The following SLC2A14 variants were observed in gnomAD, a reference collection of about 807,000 sequenced individuals.
SLC2A14 encodes the protein solute carrier family 2 member 14, also known as solute carrier family 2, facilitated glucose transporter member 14.
A neutral mutation model predicts 43.0 loss-of-function variants in SLC2A14; 13 were observed. The observed-to-expected ratio is 0.30, with a 90% CI of 0.20 to 0.48. The LOEUF (loss-of-function observed/expected upper bound fraction) is 0.48. SLC2A14 is among the 20% of genes least tolerant of loss of function. The pLI is 0.99. For synonymous variants in SLC2A14, 190 were observed against 233.8 expected, an observed-to-expected ratio of 0.81 and a Z score of 1.71; for missense variants, 428 against 620.4, an observed-to-expected ratio of 0.69 and a Z score of 3.29.
rs1053536934 is a variant in SLC2A14, at chr12:7,839,761, G to T, written c.19-6947C>A. 20 of 443,374 alleles carry T rather than the reference G, an allele frequency of 4.5e-5. No individual in the cohort carries two copies. In the Admixed American group the frequency reaches 5.1e-4, roughly 11 times the overall value. 27.5% of individuals were successfully genotyped at this position (443,374 alleles called of 1,614,324 possible). ...TCATGAGGGCTCTGCCTCCATGGAG[G>T]GAGTAATACCCATACAGAAGGGGCT... is the stretch of plus-strand genomic sequence containing the variant. On this transcript the variant is annotated intron_variant, in intron 2 of 10. Transcript: ENST00000431042.
At chr12:7,836,975 G>A (rs987639466) in intron 2 of SLC2A14, among the ~76,000 whole-genome samples, 5 of 151,566 alleles carry the variant, frequency 3.3e-5, no homozygotes, top group South Asian at 2.1e-4. Flanking sequence ...AAGACCAGCC[G>A]GGCCAATATA....
chr12:7,879,139 ACTT>A lies in SLC2A14; in HGVS notation c.132+11854_132+11856del, dbSNP rs1231905266. ...TGAAGTGAGCTGCTTACATAGGAAAACTTCTTCTTTTCTTTTTAACCCTTGCCT... is the reference window on the plus strand; with the variant it reads ...TGAAGTGAGCTGCTTACATAGGAAAACTTCTTTTCTTTTTAACCCTTGCCT... On this transcript the variant is annotated intron_variant, in intron 1 of 9. Transcript: ENST00000539924. Among the ~76,000 whole-genome samples the A allele has an allele frequency of 5.3e-5, 8 of 151,730 alleles. No homozygotes were observed. The East Asian group carries it at 9.7e-4, about 18-fold the overall frequency.
chr12:7,871,997 G>T, intron 1 of SLC2A14: 1 of 648,214 alleles, frequency 1.5e-6, no homozygotes, highest in Non-Finnish European at 1.9e-6. Flanking sequence ...AAAAAGTAAG[G>T]TACTATTTAT....
At chr12:7,862,264 CAA>C (rs71038792) in intron 2 of SLC2A14, among the ~76,000 whole-genome samples, 2 of 58,922 alleles carry the variant, frequency 3.4e-5, no homozygotes. Flanking sequence ...ACTTGTCTCT[CAA>C]AAAAAAAAAA....
At chr12:7,823,493 C>T (rs1470205370) in intron 7 of SLC2A14, among the ~76,000 whole-genome samples, 2 of 152,022 alleles carry the variant, frequency 1.3e-5, no homozygotes, top group East Asian at 1.9e-4. Context: ...GAGGCCAAGG[C>T]GGGCAGATCA....
At position 7,871,330 on chromosome 12, in the gene SLC2A14, G is replaced by A. The variant is rs1030527315; in HGVS notation, c.-57-1393C>T. Reference sequence around the variant, plus strand: ...AAAAAGACAAGTTCAACTAGGTGGAGTTCACCTGCATCCTCATACATGGCG... The same window carrying A: ...AAAAAGACAAGTTCAACTAGGTGGAATTCACCTGCATCCTCATACATGGCG... On this transcript the variant is annotated intron_variant, in intron 1 of 10. Coordinates refer to ENST00000431042, the MANE Select transcript of SLC2A14 (RefSeq NM_001286234.2). 2.5e-5 allele frequency: 24 copies of A among 951,892 alleles called. No homozygotes were observed. The African/African-American group carries it at 3.3e-4, about 13-fold the overall frequency. The allele number at this position is 951,892 out of a possible 1,614,324, so 59.0% of individuals were successfully genotyped here.
chr12:7,880,679 T>A, intron 1 of SLC2A14, among the ~76,000 whole-genome samples: 1 of 87,092 alleles, frequency 1.1e-5, no homozygotes, highest in Non-Finnish European at 2.2e-5. Context: ...ATACAAACAT[T>A]AGCTGGGTCT....
chr12:7,827,026 TTC>T (rs146937438), intron 7 of SLC2A14, among the ~76,000 whole-genome samples: 3 of 132,746 alleles, frequency 2.3e-5, no homozygotes, highest in South Asian at 2.5e-4. Context: ...TTTCTCTCCT[TTC>T]TCTCTCTTTC....
chr12:7,877,261 G>A (rs187437722), upstream of SLC2A14, among the ~76,000 whole-genome samples: 5 of 152,068 alleles, frequency 3.3e-5, no homozygotes, highest in African/African-American at 4.8e-5. Context: ...GCCTCCCAAA[G>A]TGCTAGGGCT....
At chr12:7,828,620 C>G (rs926698060) in intron 6 of SLC2A14, 84 bp downstream of exon 6, 42 of 1,399,164 alleles carry the variant, frequency 3.0e-5, no homozygotes, top group Non-Finnish European at 4.1e-5. Flanking sequence ...GGAAAGGGTA[C>G]GACAGAAAAT....
chr12:7,869,888 C>T lies in SLC2A14; in HGVS notation c.-8G>A. On this transcript the variant is annotated 5_prime_UTR_variant, in exon 2 of 11. Transcript: ENST00000431042. ...ATTCTGTCTGTTGTCCATCTCTCTG[C>T]TATCCTAGGAATTGACTCCCTCTCC... The T allele has an allele frequency of 1.3e-6, 2 of 1,528,688 alleles. No homozygotes were observed. The highest frequency in any genetic ancestry group is 1.2e-5 in the South Asian group (1 of 83,728). 94.7% of individuals were successfully genotyped at this position (1,528,688 alleles called of 1,614,324 possible).
intron 2 of SLC2A14, among the ~76,000 whole-genome samples, chr12:7,835,970 A>G (rs772804223): frequency 9.8e-5 from 15 of 152,308 alleles, no homozygotes; most frequent in South Asian, 6.2e-4. Context: ...GGTTTAAATC[A>G]TCCATCCATC....
At chr12:7,867,286 A>C (rs1195290283) in intron 2 of SLC2A14, among the ~76,000 whole-genome samples, 1 of 116,290 alleles carries the variant, frequency 8.6e-6, no homozygotes, top group Non-Finnish European at 1.8e-5. Context: ...GTCTCAAAAA[A>C]AAAAAAAAAA....
At chr12:7,873,152 C>T (rs1016006195), upstream of SLC2A14, 1 of 985,734 alleles carries the variant, frequency 1.0e-6, no homozygotes, top group South Asian at 4.7e-5. Context: ...CGTCTTCCTG[C>T]GACCGGGCGG....
At chr12:7,840,820 G>GA (rs1865888982) in intron 2 of SLC2A14, among the ~76,000 whole-genome samples, 1 of 151,908 alleles carries the variant, frequency 6.6e-6, no homozygotes, top group African/African-American at 2.4e-5. Context: ...GAGCACAAAA[G>GA]AAAAAAAGGA....
chr12:7,846,435 T>C (rs1866472867), intron 2 of SLC2A14, among the ~76,000 whole-genome samples: 2 of 151,870 alleles, frequency 1.3e-5, no homozygotes, highest in South Asian at 4.1e-4. Context: ...CCTTATTAAA[T>C]CTCTTATCTA....
intron 1 of SLC2A14, among the ~76,000 whole-genome samples, chr12:7,882,237 A>G (rs1449241060): frequency 6.7e-6 from 1 of 149,680 alleles, no homozygotes; most frequent in Admixed American, 6.6e-5. Flanking sequence ...GGAGAAACGA[A>G]CGATTCCAGA....
intron 2 of SLC2A14, among the ~76,000 whole-genome samples, chr12:7,867,301 C>CAAA: frequency 2.9e-5 from 1 of 34,340 alleles, no homozygotes; most frequent in Middle Eastern, 0.015. Flanking sequence ...AAAAAAAAAA[C>CAAA]AAAAAAAACA....
chr12:7,866,278 A>T (rs1023093540), intron 2 of SLC2A14, among the ~76,000 whole-genome samples: 1 of 151,274 alleles, frequency 6.6e-6, no homozygotes, highest in African/African-American at 2.4e-5. Flanking sequence ...GCTGATATGG[A>T]GAAAGTTTTA....
Sources: gnomAD v4.1 joint callset for allele counts (sites outside exome capture counted in the v4.1 genomes callset) on GRCh38, gnomAD v4.1.1 for gene constraint, MANE v1.5 for transcripts, NCBI Gene and HGNC (gene_info 2026-07-23, HGNC 2026-07-21) for gene names.